The following MTHFD1 variants were observed in gnomAD, a reference collection of about 807,000 sequenced individuals.
The protein encoded by MTHFD1 is methylenetetrahydrofolate dehydrogenase, cyclohydrolase and formyltetrahydrofolate synthetase 1.
MTHFD1 carries 44 observed loss-of-function variants against 110.3 expected under a neutral mutation model. The observed-to-expected ratio is 0.40, with a 90% confidence interval of 0.31 to 0.51. MTHFD1 has a LOEUF of 0.51. Ranked by LOEUF, MTHFD1 falls within the 20% of genes least tolerant of loss-of-function variation. The pLI is 0.60. For synonymous variants in MTHFD1, 402 were observed against 428.8 expected (o/e 0.94, Z 0.77); for missense variants, 909 against 1,173.1 (o/e 0.77, Z 3.29).
intron 7 of MTHFD1, among the ~76,000 whole-genome samples, chr14:64,418,692 G>C (rs573203524): frequency 4.2e-4 from 64 of 151,876 alleles, no homozygotes; most frequent in Non-Finnish European, 7.9e-4. Context: ...GAGTAGCTGG[G>C]ATTACAGGCA....
intron 22 of MTHFD1, among the ~76,000 whole-genome samples, chr14:64,445,870 T>C (rs2078286188): frequency 6.6e-6 from 1 of 152,206 alleles, no homozygotes; most frequent in Non-Finnish European, 1.5e-5. Context: ...TTCATGTGAC[T>C]AGAGGTAAAG....
At chr14:64,445,041 A>AC (rs1409318706) in intron 22 of MTHFD1, 2 of 402,992 alleles carry the variant, frequency 5.0e-6, no homozygotes, top group Non-Finnish European at 9.4e-6. Flanking sequence ...TATTATTACA[A>AC]CTGGAGGTGG....
intron 27 of MTHFD1, among the ~76,000 whole-genome samples, chr14:64,459,487 CTA>C (rs3215668): frequency 0.17 from 25,975 of 152,154 alleles, 2,551 homozygotes; most frequent in Non-Finnish European, 0.22. Flanking sequence ...TGCTAGAACA[CTA>C]TTCTTTGAGA....
intron 7 of MTHFD1, 86 bp from the exon 8 acceptor site, chr14:64,419,728 C>T: frequency 1.1e-6 from 1 of 893,174 alleles, no homozygotes; most frequent in Non-Finnish European, 1.9e-6. Flanking sequence ...TAATACAAAG[C>T]TCAGGGATAT....
chr14:64,426,323 C>T, intron 11 of MTHFD1, 131 bp downstream of exon 11: 1 of 1,003,680 alleles, frequency 1.0e-6, no homozygotes, highest in South Asian at 1.4e-5. Context: ...CGTATTTGAT[C>T]TCATTTGATC....
chr14:64,407,054 A>T (rs527321176), intron 2 of MTHFD1, among the ~76,000 whole-genome samples: 1 of 152,284 alleles, frequency 6.6e-6, no homozygotes, highest in African/African-American at 2.4e-5. Flanking sequence ...AACATTCATG[A>T]TCTGGCCCAA....
Position 64,447,802 on chromosome 14 carries a change from G to A in MTHFD1, c.2179-415G>A, listed in dbSNP as rs141823528. On this transcript the variant is annotated intron_variant, in intron 22 of 27. Transcript: ENST00000652337. ...TCTGTCTTCTGATGGAAGGGTCTGT[G>A]CTGTGCAGAGTAGAGTTAATTTGTA... Among the ~76,000 whole-genome samples, 90 of 152,238 alleles carry A rather than the reference G, an allele frequency of 5.9e-4. 1 individual carries two copies. The highest frequency in any genetic ancestry group is 2.1e-3 in the African/African-American group (87 of 41,526).
chr14:64,425,871 G>T, intron 10 of MTHFD1, 44 bp downstream of exon 10: 1 of 1,596,230 alleles, frequency 6.3e-7, no homozygotes, highest in Non-Finnish European at 8.6e-7. Context: ...TGAATTGTTG[G>T]TTTTTAGTTG....
intron 23 of MTHFD1, among the ~76,000 whole-genome samples, chr14:64,448,949 G>A (rs1386082439): frequency 7.2e-5 from 11 of 152,004 alleles, no homozygotes; most frequent in South Asian, 2.1e-4. Flanking sequence ...ACAGGTGCCT[G>A]CCACCATGCC....
chr14:64,388,469 G>A lies in MTHFD1; in HGVS notation c.41+1G>A. 6.2e-7 allele frequency: 1 copy of A among 1,613,462 alleles called. No individual in the cohort carries two copies. Among genetic ancestry groups the A allele is most frequent in the Non-Finnish European group, 8.5e-7 (1 of 1,179,820 alleles). On this transcript the variant is annotated splice_donor_variant, in intron 1 of 27. Transcript: ENST00000652337. LOFTEE classifies it high-confidence loss of function. Reference sequence around the variant, plus strand: ...TCCTGAACGGGAAGGAGATCTCCGCGTAAGCACCTGACATTGTTGTTGAGT... The same window carrying A: ...TCCTGAACGGGAAGGAGATCTCCGCATAAGCACCTGACATTGTTGTTGAGT...
intron 3 of MTHFD1, among the ~76,000 whole-genome samples, chr14:64,411,467 C>T (rs193058112): frequency 3.3e-4 from 50 of 152,210 alleles, no homozygotes; most frequent in East Asian, 7.7e-4. Context: ...TACCTTTCTC[C>T]GAAGATGATT....
chr14:64,441,128 C>G (rs1218064819), intron 18 of MTHFD1: 5 of 432,400 alleles, frequency 1.2e-5, no homozygotes. Flanking sequence ...GGAGGTGGAG[C>G]TTGCAGTGAG....
intron 4 of MTHFD1, among the ~76,000 whole-genome samples, chr14:64,413,089 T>C (rs762610205): frequency 5.9e-4 from 90 of 151,632 alleles, no homozygotes; most frequent in Non-Finnish European, 1.2e-3. Context: ...CGGTGGCTCA[T>C]GCCTGTAATC....
At position 64,442,388 on chromosome 14, in the gene MTHFD1, G is replaced by A. The variant is rs1209126762; in HGVS notation, c.2122G>A (p.Gly708Arg). The A allele has an allele frequency of 1.2e-6, 2 of 1,614,028 alleles. No individual in the cohort carries two copies. Among genetic ancestry groups the A allele is most frequent in the South Asian group, 1.1e-5 (1 of 91,090 alleles). The part of the protein sequence containing the change: ...VATVRALKMH[G>R]GGPTVTAGLP... ...CACTGTCAGGGCTCTCAAGATGCAC[G>A]GGGGCGGCCCCACGGTGAGTGGTGG... Residue 708 changes from glycine to arginine, a missense_variant, in exon 21 of 28, where the codon GGG (glycine) becomes AGG (arginine). Gly to Arg is a moderately radical substitution (Grantham distance 125, BLOSUM62 -2). Around this residue, in one of 3 missense-constraint regions of MTHFD1, gnomAD observed 482 missense variants for 646.0 expected, o/e 0.75. Transcript: ENST00000652337.
At chr14:64,441,617 T>A in intron 19 of MTHFD1, 164 bp downstream of exon 19, 2 of 660,688 alleles carry the variant, frequency 3.0e-6, no homozygotes, top group Non-Finnish European at 5.5e-6. Flanking sequence ...CCATCCTGGC[T>A]AACATGGTGA....
chr14:64,413,362 G>A (rs1011402082), intron 4 of MTHFD1, among the ~76,000 whole-genome samples: 1 of 152,066 alleles, frequency 6.6e-6, no homozygotes, highest in Non-Finnish European at 1.5e-5. Context: ...CAAAAAAATA[G>A]GTAAAACCGA....
intron 17 of MTHFD1, among the ~76,000 whole-genome samples, chr14:64,439,533 G>A (rs960462473): frequency 6.6e-6 from 1 of 152,086 alleles, no homozygotes; most frequent in Non-Finnish European, 1.5e-5. Context: ...AACAATAAGC[G>A]CATGATTATA....
At chr14:64,420,708 A>G (rs1404875210) in intron 8 of MTHFD1, among the ~76,000 whole-genome samples, 4 of 152,106 alleles carry the variant, frequency 2.6e-5, no homozygotes, top group Admixed American at 1.3e-4. Context: ...ACCTTCTGGC[A>G]TGGAACTCTG....
At chr14:64,391,759 G>T (rs1187566365) in intron 1 of MTHFD1, among the ~76,000 whole-genome samples, 2 of 152,144 alleles carry the variant, frequency 1.3e-5, no homozygotes, top group Non-Finnish European at 2.9e-5. Context: ...GACAACCGGG[G>T]GAAGGTCTGA....
Sources: gnomAD v4.1 joint callset for allele counts (sites outside exome capture counted in the v4.1 genomes callset) on GRCh38, gnomAD v4.1.1 for gene constraint, gnomAD v4.1.1 regional missense constraint, MANE v1.5 for transcripts, NCBI Gene and HGNC (gene_info 2026-07-23, HGNC 2026-07-21) for gene names.